The following PTCD3 variants were observed in gnomAD, a reference collection of about 807,000 sequenced individuals.
The protein encoded by PTCD3 is small ribosomal subunit protein mS39.
In PTCD3, 89 loss-of-function variants were observed where a neutral mutation model predicts 101.9. The observed-to-expected ratio is 0.87, with a 90% confidence interval of 0.74 to 1.04. PTCD3 has a LOEUF of 1.04. Ranked by LOEUF, PTCD3 falls within the 50% of genes least tolerant of loss-of-function variation. The pLI is 0.00. For synonymous variants in PTCD3, 296 were observed against 278.5 expected (o/e 1.06, Z -0.63); for missense variants, 870 against 828.2 (o/e 1.05, Z -0.62).
chr2:86,123,848 G>A (rs1017826427), intron 9 of PTCD3, 86 bp downstream of exon 9: 4 of 883,890 alleles, frequency 4.5e-6, no homozygotes, highest in East Asian at 5.8e-5. Flanking sequence ...ATGTTTTCTT[G>A]TGATGTTCTA....
At chr2:86,113,839 T>A (rs1674131715) in intron 4 of PTCD3, among the ~76,000 whole-genome samples, 1 of 152,130 alleles carries the variant, frequency 6.6e-6, no homozygotes, top group South Asian at 2.1e-4. Context: ...AAAATAAAGA[T>A]GGAGCTACTA....
rs373171988 is a variant in PTCD3, at chr2:86,130,107, C to T, written c.1148-541C>T. Among the ~76,000 whole-genome samples, 47 of 152,268 alleles carry T rather than the reference C, an allele frequency of 3.1e-4. 3 individuals carry two copies. The East Asian group carries it at 5.4e-3, about 18-fold the overall frequency. ...ACGAGGTCAGGAGTTCAAGACCAGC[C>T]TGACCAACATGGGGAAACCCCTCCT... On this transcript the variant is annotated intron_variant, in intron 14 of 23. Coordinates refer to ENST00000254630, the MANE Select transcript of PTCD3 (RefSeq NM_017952.6).
Position 86,133,167 on chromosome 2 carries a change from C to G in PTCD3, c.1374-11C>G. 6.2e-7 allele frequency: 1 copy of G among 1,610,728 alleles called. No homozygotes were observed. The highest frequency in any genetic ancestry group is 1.1e-5 in the South Asian group (1 of 90,242). On this transcript the variant is annotated splice_polypyrimidine_tract_variant and intron_variant, in intron 17 of 23. Transcript: ENST00000254630. ...ACTTTAGACTAAACATACTTTTTGC[C>G]TTCATCACAGTTCCAAGTTCTTCGA... is the stretch of plus-strand genomic sequence containing the variant.
chr2:86,130,376 A>G (rs1674474174), intron 14 of PTCD3, among the ~76,000 whole-genome samples: 1 of 152,178 alleles, frequency 6.6e-6, no homozygotes, highest in Non-Finnish European at 1.5e-5. Context: ...CGCCTACTTC[A>G]GTAAGTCAGG....
At position 86,121,529 on chromosome 2, in the gene PTCD3, T is replaced by C. The variant is rs199583021; in HGVS notation, c.589T>C (p.Tyr197His). The C allele has an allele frequency of 1.9e-5, 31 of 1,611,994 alleles. No individual in the cohort carries two copies. In the East Asian group the frequency reaches 6.9e-4, roughly 36 times the overall value. The change falls in exon 8 of 24, where the codon TAC (tyrosine) becomes CAC (histidine). Residue 197 changes from tyrosine to histidine, a missense_variant. Transcript: ENST00000254630. ...AAATAGTCTCTTGGATTTATTGTGTTACTATGGTGACCAGGAGCCCTCAAC... is the reference window on the plus strand; with the variant it reads ...AAATAGTCTCTTGGATTTATTGTGTCACTATGGTGACCAGGAGCCCTCAAC... ...TTNSLLDLLC[Y>H]YGDQEPSTDY... is the part of the protein sequence containing the mutation.
chr2:86,113,662 C>T (rs1015459334), intron 4 of PTCD3, among the ~76,000 whole-genome samples: 4 of 151,956 alleles, frequency 2.6e-5, no homozygotes, highest in African/African-American at 9.7e-5. Context: ...CAAAAATTAG[C>T]TGAGCGTGGT....
intron 8 of PTCD3, among the ~76,000 whole-genome samples, chr2:86,122,035 C>T (rs189338016): frequency 1.2e-4 from 19 of 152,248 alleles, no homozygotes; most frequent in East Asian, 1.9e-4. Context: ...TCTCTCGACT[C>T]GCGAATTTTA....
At chr2:86,111,027 G>T (rs780021316) in intron 3 of PTCD3, 86 bp from the exon 4 acceptor site, 1 of 1,197,124 alleles carries the variant, frequency 8.4e-7, no homozygotes, top group East Asian at 2.3e-5. Context: ...TATGTTATTG[G>T]CCAGTACACT....
At chr2:86,135,078 C>T in intron 21 of PTCD3, 91 bp downstream of exon 21, 1 of 1,413,620 alleles carries the variant, frequency 7.1e-7, no homozygotes. Context: ...TTTCATTTGG[C>T]CACATAACAC....
intron 7 of PTCD3, 99 bp from the exon 8 acceptor site, chr2:86,121,380 A>C (rs770762809): frequency 4.3e-6 from 3 of 694,892 alleles, no homozygotes; most frequent in Non-Finnish European, 4.8e-6. Flanking sequence ...GTAGCCCTGA[A>C]GACCACCGCT....
intron 14 of PTCD3, among the ~76,000 whole-genome samples, chr2:86,128,595 T>G (rs1297088693): frequency 6.6e-6 from 1 of 152,218 alleles, no homozygotes; most frequent in Non-Finnish European, 1.5e-5. Flanking sequence ...AACATTTCCA[T>G]CTTTGCCAAA....
chr2:86,137,588 C>A lies in PTCD3; in HGVS notation c.*29C>A. 1.9e-6 allele frequency: 3 copies of A among 1,611,460 alleles called. No individual in the cohort carries two copies. Among genetic ancestry groups the A allele is most frequent in the Middle Eastern group, 1.7e-4 (1 of 5,952 alleles). ...TGGAGATTCAGGAGCAGCAATGGGTCTCACCATAGCTGCTGGAATCACACC... is the reference window on the plus strand; with the variant it reads ...TGGAGATTCAGGAGCAGCAATGGGTATCACCATAGCTGCTGGAATCACACC... On this transcript the variant is annotated 3_prime_UTR_variant, in exon 24 of 24. Transcript: ENST00000254630.
chr2:86,131,748 C>T (rs1020473817), intron 16 of PTCD3, among the ~76,000 whole-genome samples: 3 of 152,174 alleles, frequency 2.0e-5, no homozygotes, highest in African/African-American at 7.2e-5. Context: ...AATTGCTTTA[C>T]TATTAGATTG....
intron 1 of PTCD3, chr2:86,107,246 A>G (rs13403541): frequency 0.016 from 7,672 of 471,062 alleles, 510 homozygotes; most frequent in African/African-American, 0.14. Context: ...TGCCTGAAGC[A>G]GAATCTCTTC....
intron 7 of PTCD3, chr2:86,119,666 CTT>C (rs1674245896): frequency 6.6e-6 from 1 of 152,256 alleles, no homozygotes; most frequent in Non-Finnish European, 1.5e-5. Flanking sequence ...TTCCTAGACT[CTT>C]TAAGGATGTT....
intron 8 of PTCD3, among the ~76,000 whole-genome samples, chr2:86,122,272 G>A (rs563380079): frequency 6.6e-6 from 1 of 152,332 alleles, no homozygotes; most frequent in South Asian, 2.1e-4. Flanking sequence ...CAGGCTATCA[G>A]CAGTATATAT....
intron 5 of PTCD3, among the ~76,000 whole-genome samples, chr2:86,116,851 T>C (rs1674186855): frequency 6.6e-6 from 1 of 152,214 alleles, no homozygotes; most frequent in Non-Finnish European, 1.5e-5. Flanking sequence ...GGCTTGCTTT[T>C]TATATATTTC....
intron 1 of PTCD3, among the ~76,000 whole-genome samples, chr2:86,107,565 C>G (rs1256716205): frequency 6.6e-6 from 1 of 152,140 alleles, no homozygotes; most frequent in Non-Finnish European, 1.5e-5. Context: ...TTAGTGTGAT[C>G]AGAACACTTA....
chr2:86,111,070 T>C (rs1674073049), intron 3 of PTCD3, 43 bp from the exon 4 acceptor site: 2 of 1,568,652 alleles, frequency 1.3e-6, no homozygotes, highest in Non-Finnish European at 1.8e-6. Flanking sequence ...TTTGTGGCTA[T>C]GAAGAGCCCT....
Sources: allele counts gnomAD v4.1 joint callset (sites outside exome capture counted in the v4.1 genomes callset), GRCh38; gene constraint gnomAD v4.1.1; transcripts MANE v1.5; gene names NCBI Gene and HGNC (gene_info 2026-07-23, HGNC 2026-07-21).